Variants in RGS6 observed in about 807,000 individuals in gnomAD.
The protein encoded by RGS6 is regulator of G protein signaling 6.
A neutral mutation model predicts 78.5 loss-of-function variants in RGS6; 30 were observed. The ratio of observed to expected loss-of-function variants is 0.38; its 90% CI spans 0.29 to 0.52. The LOEUF (loss-of-function observed/expected upper bound fraction) is 0.52, where lower values mean the gene tolerates loss of function less well. RGS6 is among the 20% of genes least tolerant of loss of function. The pLI is 0.85. For synonymous variants in RGS6, 206 were observed against 206.0 expected (o/e 1.00, Z 0.00); for missense variants, 495 against 609.7 (o/e 0.81, Z 1.98).
the RGS6 span, chr14:72,629,572 G>A: frequency 6.7e-7 from 1 of 1,488,424 alleles, no homozygotes; most frequent in Non-Finnish European, 9.1e-7. Flanking sequence ...ACCCCTCAAA[G>A]GACCCCAGCT....
At chr14:72,444,955 C>A (rs1366481600) in intron 3 of RGS6, among the ~76,000 whole-genome samples, 2 of 50,560 alleles carry the variant, frequency 4.0e-5, no homozygotes, top group African/African-American at 1.4e-4. Flanking sequence ...AGTCAAAAAG[C>A]AGGCTCACCC....
intron 3 of RGS6, among the ~76,000 whole-genome samples, chr14:72,393,611 C>T (rs2090504152): frequency 6.6e-6 from 1 of 151,892 alleles, no homozygotes; most frequent in Non-Finnish European, 1.5e-5. Context: ...CCTGCCATAT[C>T]TGCTATTGAG....
In RGS6 at chr14:72,336,586, G is replaced by A. The variant is rs138534612; in HGVS notation, c.85-15509G>A. On this transcript the variant is annotated intron_variant, in intron 2 of 17. Coordinates refer to ENST00000553525, the MANE Select transcript of RGS6 (RefSeq NM_001204424.2). ...AGAGGAAGAGAGAGAGGACAGAAAG[G>A]GAAGATGAGAGAAAATAGTTTTCAT... 2.0e-5 allele frequency among the ~76,000 whole-genome samples: 3 copies of A among 152,078 alleles called. No homozygotes were observed. The East Asian group carries it at 5.8e-4, about 29-fold the overall frequency.
chr14:71,964,655 T>G, intron 1 of RGS6, 117 bp from the exon 2 acceptor site: 1 of 646,288 alleles, frequency 1.5e-6, no homozygotes. Context: ...AAATGTATCA[T>G]GTAATATCAT....
At chr14:72,228,353 C>G (rs1443971916) in intron 2 of RGS6, among the ~76,000 whole-genome samples, 1 of 151,866 alleles carries the variant, frequency 6.6e-6, no homozygotes, top group African/African-American at 2.4e-5. Flanking sequence ...TGCACTCCAG[C>G]CTGAGCAACA....
intron 3 of RGS6, among the ~76,000 whole-genome samples, chr14:72,424,666 T>G (rs1410882158): frequency 6.6e-6 from 1 of 152,250 alleles, no homozygotes; most frequent in African/African-American, 2.4e-5. Context: ...AAAAAAATAC[T>G]ATTAATACTT....
intron 2 of RGS6, among the ~76,000 whole-genome samples, chr14:71,984,585 C>A (rs2153149811): frequency 6.6e-6 from 1 of 151,628 alleles, no homozygotes; most frequent in African/African-American, 2.4e-5. Flanking sequence ...TAGGAGTTGG[C>A]TGGTGGAAAA....
intron 3 of RGS6, among the ~76,000 whole-genome samples, chr14:72,386,165 G>T (rs1476810892): frequency 6.6e-6 from 1 of 152,088 alleles, no homozygotes; most frequent in African/African-American, 2.4e-5. Flanking sequence ...CTGACTTGGA[G>T]CCCATTCCTC....
chr14:72,387,367 G>T (rs948506026), intron 3 of RGS6, among the ~76,000 whole-genome samples: 1 of 152,112 alleles, frequency 6.6e-6, no homozygotes, highest in Non-Finnish European at 1.5e-5. Flanking sequence ...GGCTAACACA[G>T]CAAAACCCCA....
the RGS6 span, among the ~76,000 whole-genome samples, chr14:72,622,675 C>A: frequency 6.6e-6 from 1 of 151,972 alleles, no homozygotes; most frequent in Non-Finnish European, 1.5e-5. Context: ...CCACCAAGAG[C>A]CCCCAGCTTA....
chr14:72,252,810 T>C (rs2153837854), intron 2 of RGS6, among the ~76,000 whole-genome samples: 1 of 152,336 alleles, frequency 6.6e-6, no homozygotes, highest in East Asian at 1.9e-4. Flanking sequence ...AGGAGGACTC[T>C]ATAAAATGTT....
intron 2 of RGS6, among the ~76,000 whole-genome samples, chr14:72,238,246 A>T (rs1841919916): frequency 1.3e-5 from 2 of 152,092 alleles, no homozygotes. Context: ...TCTGCCAGCT[A>T]AGGTCTGAGG....
At chr14:72,554,679 A>G (rs1323735588) in intron 17 of RGS6, among the ~76,000 whole-genome samples, 1 of 152,092 alleles carries the variant, frequency 6.6e-6, no homozygotes, top group Non-Finnish European at 1.5e-5. Context: ...TCCTGAAGCC[A>G]CCAAGAATTT....
At chr14:72,158,680 C>T (rs1445211542) in intron 2 of RGS6, among the ~76,000 whole-genome samples, 1 of 152,278 alleles carries the variant, frequency 6.6e-6, no homozygotes, top group East Asian at 1.9e-4. Context: ...TTTCCGTAAA[C>T]ATGCACTCTT....
chr14:72,089,142 G>T (rs2153493983), intron 2 of RGS6, among the ~76,000 whole-genome samples: 1 of 152,300 alleles, frequency 6.6e-6, no homozygotes, highest in South Asian at 2.1e-4. Flanking sequence ...ATCTTGACTG[G>T]TTCACCCTTC....
the RGS6 span, among the ~76,000 whole-genome samples, chr14:72,601,160 C>A: frequency 6.6e-6 from 1 of 152,126 alleles, no homozygotes; most frequent in Admixed American, 6.5e-5. Flanking sequence ...TTCATCCTAA[C>A]CCGAAAGGGG....
intron 2 of RGS6, among the ~76,000 whole-genome samples, chr14:72,127,647 CTTGCAGT>C (rs2096230758): frequency 1.3e-5 from 2 of 152,102 alleles, no homozygotes; most frequent in Admixed American, 1.3e-4. Flanking sequence ...GTAGTTATTT[CTTGCAGT>C]TGCAAGAAAT....
chr14:72,431,534 ATTTTATT>A (rs2094637870), intron 3 of RGS6, among the ~76,000 whole-genome samples: 1 of 63,222 alleles, frequency 1.6e-5, no homozygotes, highest in Non-Finnish European at 3.2e-5. Flanking sequence ...TATTTATTTT[ATTTTATT>A]TTATTTTATT....
intron 2 of RGS6, among the ~76,000 whole-genome samples, chr14:72,140,741 G>C (rs2096528174): frequency 6.6e-6 from 1 of 152,220 alleles, no homozygotes; most frequent in Non-Finnish European, 1.5e-5. Flanking sequence ...TTCTGCAATG[G>C]CTATTGGTGC....
Sources: gnomAD v4.1 joint callset for allele counts (sites outside exome capture counted in the v4.1 genomes callset) on GRCh38, gnomAD v4.1.1 for gene constraint, MANE v1.5 for transcripts, NCBI Gene and HGNC (gene_info 2026-07-23, HGNC 2026-07-21) for gene names.